The following EML1 variants were observed in gnomAD, a reference collection of about 807,000 sequenced individuals.
EML1 encodes EMAP like 1.
EML1 carries 27 observed loss-of-function variants against 110.4 expected under a neutral mutation model. The ratio of observed to expected loss-of-function variants is 0.24; its 90% CI spans 0.18 to 0.34. The LOEUF (loss-of-function observed/expected upper bound fraction) is 0.34, where lower values mean the gene tolerates loss of function less well. Among genes scored for constraint, EML1 ranks in the 10% least tolerant of loss-of-function variants. EML1 has a pLI of 1.00. For missense variants in EML1, 741 were observed against 1,030.9 expected, an observed-to-expected ratio of 0.72 and a Z score of 3.85; for synonymous variants, 344 against 385.8, an observed-to-expected ratio of 0.89 and a Z score of 1.27.
rs77703628 is a variant in EML1 at position 99,746,740 on chromosome 14, G to T, written c.28+8880G>T. 2.1e-3 allele frequency among the ~76,000 whole-genome samples: 325 copies of T among 152,206 alleles called. 5 individuals carry two copies. In the East Asian group the frequency reaches 0.047, roughly 22 times the overall value. On this transcript the variant is annotated intron_variant, in intron 1 of 10. Coordinates refer to the EML1 transcript ENST00000554479. ...CAGGGCCTCACACCATCCCCATTCTGCTGCTGGTGGATGCTTCTGTCAACT... is the reference window on the plus strand; with the variant it reads ...CAGGGCCTCACACCATCCCCATTCTTCTGCTGGTGGATGCTTCTGTCAACT...
chr14:99,914,691 A>C lies in EML1; in HGVS notation c.1746A>C (p.Ile582=). Residue 582 remains isoleucine, a synonymous_variant, in exon 15 of 22, where the codon ATA becomes ATC. Coordinates refer to ENST00000262233, the MANE Select transcript of EML1 (RefSeq NM_004434.3). ...GTCACCGTCCCGTCTGGGACAAAATAATAGAGGTAAACATGCACATTACAT... is the reference window on the plus strand; with the variant it reads ...GTCACCGTCCCGTCTGGGACAAAATCATAGAGGTAAACATGCACATTACAT... The part of the protein sequence containing the change: ...AVGHRPVWDK[I]IEDPAQSSGF... The C allele has an allele frequency of 6.2e-7, 1 of 1,604,092 alleles. No homozygotes were observed. Among genetic ancestry groups the C allele is most frequent in the Non-Finnish European group, 8.5e-7 (1 of 1,177,634 alleles).
chr14:99,876,900 ATAG>A (rs1208216624), intron 3 of EML1, among the ~76,000 whole-genome samples: 2 of 152,218 alleles, frequency 1.3e-5, no homozygotes, highest in African/African-American at 2.4e-5. Flanking sequence ...AAACTTTTGT[ATAG>A]GGCTCTGCAA....
intron 2 of EML1, among the ~76,000 whole-genome samples, chr14:99,852,246 G>T (rs1249427622): frequency 6.6e-6 from 1 of 152,198 alleles, no homozygotes; most frequent in Non-Finnish European, 1.5e-5. Flanking sequence ...GTAGAAAAGA[G>T]AATTCGTCTT....
intron 9 of EML1, among the ~76,000 whole-genome samples, chr14:99,903,248 A>G (rs773840980): frequency 3.3e-5 from 5 of 152,240 alleles, no homozygotes; most frequent in African/African-American, 9.6e-5. Context: ...TCAATCTTCT[A>G]TTAGTTTGGT....
At chr14:99,922,540 T>G (rs1235022768) in intron 17 of EML1, among the ~76,000 whole-genome samples, 1 of 152,234 alleles carries the variant, frequency 6.6e-6, no homozygotes, top group Non-Finnish European at 1.5e-5. Flanking sequence ...ATTGACGGAT[T>G]GTATGGTAAA....
At chr14:99,810,391 G>A (rs2058055310) in intron 1 of EML1, among the ~76,000 whole-genome samples, 1 of 152,202 alleles carries the variant, frequency 6.6e-6, no homozygotes, top group Non-Finnish European at 1.5e-5. Context: ...TCACATGAGT[G>A]TAACATCTGC....
At chr14:99,923,929 C>T (rs1466699544) in intron 17 of EML1, among the ~76,000 whole-genome samples, 1 of 152,194 alleles carries the variant, frequency 6.6e-6, no homozygotes, top group Non-Finnish European at 1.5e-5. Context: ...GTTGGGATTA[C>T]AGGTGTGAGG....
At chr14:99,930,378 G>A (rs545634421) in intron 17 of EML1, among the ~76,000 whole-genome samples, 3 of 152,332 alleles carry the variant, frequency 2.0e-5, no homozygotes, top group East Asian at 1.9e-4. Context: ...CGCCTGGAAC[G>A]CAACCACGAA....
intron 1 of EML1, among the ~76,000 whole-genome samples, chr14:99,844,183 T>C (rs1442182672): frequency 1.3e-5 from 2 of 152,148 alleles, no homozygotes; most frequent in Non-Finnish European, 2.9e-5. Context: ...AAATAACTTG[T>C]AAATTTGCAA....
At chr14:99,839,506 C>G (rs907611558) in intron 1 of EML1, among the ~76,000 whole-genome samples, 3 of 152,160 alleles carry the variant, frequency 2.0e-5, no homozygotes, top group Admixed American at 6.5e-5. Context: ...TCCATGTCAT[C>G]CAAGGTAAAC....
rs2140135150 is a variant in EML1, at chr14:99,936,595, G to GA, written c.2095+262dup. Among the ~76,000 whole-genome samples the GA allele has an allele frequency of 6.6e-6, 1 of 152,310 alleles. No homozygotes were observed. The highest frequency in any genetic ancestry group is 1.5e-5 in the Non-Finnish European group (1 of 68,024). ...AAGGGGAAGAAGGCCAAGCCCTGCAGAGGGGGGCTTGGGGCAGGCGGATGT... is the reference window on the plus strand; with the variant it reads ...AAGGGGAAGAAGGCCAAGCCCTGCAGAAGGGGGGCTTGGGGCAGGCGGATGT... On this transcript the variant is annotated intron_variant, in intron 19 of 21. Coordinates refer to ENST00000262233, the MANE Select transcript of EML1 (RefSeq NM_004434.3). This position sits in a 1 kb window ranked among gnomAD's most constrained non-coding sequence, Gnocchi z 5.5.
intron 1 of EML1, among the ~76,000 whole-genome samples, chr14:99,762,932 C>T (rs965207727): frequency 8.5e-5 from 13 of 152,180 alleles, no homozygotes; most frequent in African/African-American, 2.9e-4. Flanking sequence ...AACACCCCTA[C>T]GTATGTGTGT....
At chr14:99,741,896 C>A (rs552340586) in intron 1 of EML1, among the ~76,000 whole-genome samples, 1 of 152,292 alleles carries the variant, frequency 6.6e-6, no homozygotes, top group Non-Finnish European at 1.5e-5. Flanking sequence ...GGGAACACCT[C>A]TGAGATGACC....
At chr14:99,932,483 G>A (rs1010472190) in intron 17 of EML1, among the ~76,000 whole-genome samples, 9 of 151,666 alleles carry the variant, frequency 5.9e-5, no homozygotes, top group African/African-American at 1.9e-4. Context: ...CTAAAAATAC[G>A]AAATAATTAG....
intron 1 of EML1, among the ~76,000 whole-genome samples, chr14:99,739,035 G>A (rs979719440): frequency 2.0e-5 from 3 of 150,696 alleles, no homozygotes; most frequent in African/African-American, 7.3e-5. Context: ...GGCTGGGTAG[G>A]ATTTGGAACA....
At chr14:99,876,484 G>A (rs189156571) in intron 3 of EML1, among the ~76,000 whole-genome samples, 5 of 152,172 alleles carry the variant, frequency 3.3e-5, no homozygotes, top group East Asian at 1.9e-4. Flanking sequence ...TCCTGGTGTC[G>A]CTGCTACCTC....
chr14:99,826,320 C>A (rs1313293989), intron 1 of EML1, among the ~76,000 whole-genome samples: 2 of 151,984 alleles, frequency 1.3e-5, no homozygotes, highest in Non-Finnish European at 2.9e-5. Context: ...GCCATGTTGG[C>A]CAGGCTGGTT....
intron 1 of EML1, among the ~76,000 whole-genome samples, chr14:99,739,740 G>A (rs919933903): frequency 6.6e-6 from 1 of 152,238 alleles, no homozygotes; most frequent in Non-Finnish European, 1.5e-5. Context: ...CTTATGGGTA[G>A]AAGGGGGTCT....
chr14:99,935,451 C>T (rs1177199038), intron 17 of EML1, among the ~76,000 whole-genome samples: 1 of 149,606 alleles, frequency 6.7e-6, no homozygotes, highest in Non-Finnish European at 1.5e-5. Flanking sequence ...GGTGACAAAG[C>T]AAAACCCTGT....
Sources: gnomAD v4.1 joint callset for allele counts (sites outside exome capture counted in the v4.1 genomes callset) on GRCh38, gnomAD v4.1.1 for gene constraint, Gnocchi (gnomAD v3.1) non-coding constraint, MANE v1.5 for transcripts, NCBI Gene and HGNC (gene_info 2026-07-23, HGNC 2026-07-21) for gene names.